Variants in TBC1D12 observed in about 807,000 individuals in gnomAD.
TBC1D12 encodes the protein TBC1 domain family, member 12.
In TBC1D12, 56 loss-of-function variants were observed where a neutral mutation model predicts 86.7. The ratio of observed to expected loss-of-function variants is 0.65; its 90% CI spans 0.52 to 0.81. The LOEUF (loss-of-function observed/expected upper bound fraction) is 0.81. Ranked by LOEUF, TBC1D12 falls within the 30% of genes least tolerant of loss-of-function variation. The pLI, the probability that TBC1D12 is intolerant of heterozygous loss-of-function variation, is 0.00. For missense variants in TBC1D12, 1,023 were observed against 1,038.8 expected (o/e 0.98, Z 0.21); for synonymous variants, 421 against 411.7 (o/e 1.02, Z -0.27).
chr10:94,517,415 G>T (rs1024984971), intron 9 of TBC1D12, among the ~76,000 whole-genome samples: 1 of 152,122 alleles, frequency 6.6e-6, no homozygotes, highest in African/African-American at 2.4e-5. Context: ...AAAGGCACTT[G>T]TTTAACCTGG....
intron 6 of TBC1D12, among the ~76,000 whole-genome samples, chr10:94,505,916 ATATT>A (rs763875017): frequency 5.9e-5 from 9 of 152,196 alleles, no homozygotes; most frequent in Non-Finnish European, 1.3e-4. Flanking sequence ...AAAGGATTAT[ATATT>A]TATGTATATG....
At chr10:94,427,540 A>G (rs907142337) in intron 1 of TBC1D12, among the ~76,000 whole-genome samples, 1 of 152,204 alleles carries the variant, frequency 6.6e-6, no homozygotes, top group Non-Finnish European at 1.5e-5. Context: ...CAAAAGAAGA[A>G]AAAGATCTCA....
At chr10:94,506,130 G>A (rs1045121381) in intron 6 of TBC1D12, among the ~76,000 whole-genome samples, 25 of 151,582 alleles carry the variant, frequency 1.6e-4, no homozygotes, top group African/African-American at 5.6e-4. Flanking sequence ...TCTGCCTCCC[G>A]GGCTCAAGTG....
intron 2 of TBC1D12, among the ~76,000 whole-genome samples, chr10:94,453,402 T>TGC (rs2055581280): frequency 6.6e-6 from 1 of 152,220 alleles, no homozygotes; most frequent in Non-Finnish European, 1.5e-5. Flanking sequence ...TCTGTGTGTG[T>TGC]GCATATGTGA....
chr10:94,527,042 T>C (rs970383529), intron 11 of TBC1D12, among the ~76,000 whole-genome samples: 1 of 151,908 alleles, frequency 6.6e-6, no homozygotes, highest in African/African-American at 2.4e-5. Flanking sequence ...TTTTGAGCAA[T>C]GTCTGTTCAG....
Position 94,533,718 on chromosome 10 carries a change from T to C in TBC1D12, c.*622T>C, listed in dbSNP as rs537093990. 1.2e-4 allele frequency: 18 copies of C among 152,322 alleles called. No individual in the cohort carries two copies. In the South Asian group the frequency reaches 3.5e-3, roughly 30 times the overall value. The allele number at this position is 152,322 out of a possible 1,614,324, so 9.4% of individuals were successfully genotyped here. A position where few individuals can be genotyped will look rare whatever the true frequency, so the allele number is the denominator to read the frequency against. ...CATAGTATGGTGTCCATTTGTTTTT[T>C]AAGGGAAATTTTTTGTCTTCCTTAA... On this transcript the variant is annotated 3_prime_UTR_variant, in exon 13 of 13. Coordinates refer to ENST00000225235, the MANE Select transcript of TBC1D12 (RefSeq NM_015188.2).
intron 3 of TBC1D12, among the ~76,000 whole-genome samples, chr10:94,476,468 G>A (rs547682737): frequency 1.3e-5 from 2 of 152,106 alleles, no homozygotes; most frequent in South Asian, 4.2e-4. Context: ...CTTGCTGCCA[G>A]GGATGAAAAT....
chr10:94,474,995 C>A (rs1161780550), intron 3 of TBC1D12, among the ~76,000 whole-genome samples: 2 of 151,850 alleles, frequency 1.3e-5, no homozygotes, highest in Non-Finnish European at 2.9e-5. Flanking sequence ...GCTATGTTGC[C>A]CAGGCTGTTC....
At chr10:94,417,094 G>A (rs531081540) in intron 1 of TBC1D12, among the ~76,000 whole-genome samples, 1 of 152,262 alleles carries the variant, frequency 6.6e-6, no homozygotes, top group South Asian at 2.1e-4. Context: ...TTAAACAATG[G>A]AGACATACTT....
At chr10:94,457,026 A>G (rs924908216) in intron 2 of TBC1D12, among the ~76,000 whole-genome samples, 8 of 152,130 alleles carry the variant, frequency 5.3e-5, no homozygotes, top group Admixed American at 4.6e-4. Context: ...ATCTTTCTCC[A>G]TCCCTTTTTA....
chr10:94,457,936 C>A (rs1443293952), intron 2 of TBC1D12, among the ~76,000 whole-genome samples: 1 of 152,080 alleles, frequency 6.6e-6, no homozygotes, highest in Non-Finnish European at 1.5e-5. Context: ...ACAAAACATT[C>A]CTAATTCCTT....
At chr10:94,521,497 C>T (rs1263834104) in intron 9 of TBC1D12, among the ~76,000 whole-genome samples, 1 of 152,144 alleles carries the variant, frequency 6.6e-6, no homozygotes, top group Non-Finnish European at 1.5e-5. Flanking sequence ...TCAACCCCCA[C>T]AACGTCTCCT....
intron 2 of TBC1D12, among the ~76,000 whole-genome samples, chr10:94,469,493 C>T (rs1441406038): frequency 1.5e-5 from 2 of 135,798 alleles, no homozygotes; most frequent in Admixed American, 8.0e-5. Flanking sequence ...CTGTCACTCA[C>T]GCTGGAGTGC....
intron 2 of TBC1D12, among the ~76,000 whole-genome samples, chr10:94,443,817 G>C (rs2055414221): frequency 6.6e-6 from 1 of 152,204 alleles, no homozygotes; most frequent in African/African-American, 2.4e-5. Flanking sequence ...TTTAAGGTTT[G>C]AGAAATTGTA....
intron 9 of TBC1D12, among the ~76,000 whole-genome samples, chr10:94,515,056 C>T (rs1179620022): frequency 1.3e-5 from 2 of 150,118 alleles, no homozygotes; most frequent in Non-Finnish European, 3.0e-5. Context: ...TACAGGCGCC[C>T]GCCACTACGC....
chr10:94,470,690 C>CTTT (rs35586245), intron 2 of TBC1D12, among the ~76,000 whole-genome samples: 4 of 105,822 alleles, frequency 3.8e-5, no homozygotes, highest in Admixed American at 2.0e-4. Context: ...ATTTGTAATT[C>CTTT]TTTTTTTTTT....
At chr10:94,469,368 G>C (rs1307731875) in intron 2 of TBC1D12, among the ~76,000 whole-genome samples, 1 of 151,606 alleles carries the variant, frequency 6.6e-6, no homozygotes, top group East Asian at 1.9e-4. Flanking sequence ...CAGCTTTGTA[G>C]GGTTTTATTG....
At chr10:94,420,693 C>G (rs973253943) in intron 1 of TBC1D12, among the ~76,000 whole-genome samples, 3 of 152,174 alleles carry the variant, frequency 2.0e-5, no homozygotes, top group African/African-American at 7.2e-5. Flanking sequence ...TGCCTCAGTA[C>G]AGCATTACTT....
intron 3 of TBC1D12, among the ~76,000 whole-genome samples, chr10:94,486,209 A>G (rs772563687): frequency 7.1e-6 from 1 of 140,034 alleles, no homozygotes; most frequent in Admixed American, 7.7e-5. Flanking sequence ...GTACATTGGC[A>G]TGAATATGAC....
Sources: allele counts gnomAD v4.1 joint callset (sites outside exome capture counted in the v4.1 genomes callset), GRCh38; gene constraint gnomAD v4.1.1; transcripts MANE v1.5; gene names NCBI Gene and HGNC (gene_info 2026-07-23, HGNC 2026-07-21).